The following MRTFB variants were observed in gnomAD, a reference collection of about 807,000 sequenced individuals.
MRTFB encodes myocardin related transcription factor B.
A neutral mutation model predicts 104.2 loss-of-function variants in MRTFB; 29 were observed. The observed-to-expected ratio is 0.28, with a 90% CI of 0.21 to 0.38. MRTFB has a LOEUF of 0.38. Among genes scored for constraint, MRTFB ranks in the 10% least tolerant of loss-of-function variants. The probability of loss-of-function intolerance (pLI) is 1.00; values close to 1 mark genes in which losing one functional copy is unlikely to be tolerated. For synonymous variants in MRTFB, 535 were observed against 519.5 expected, an observed-to-expected ratio of 1.03 and a Z score of -0.41; for missense variants, 1,270 against 1,341.6, an observed-to-expected ratio of 0.95 and a Z score of 0.83.
chr16:14,043,345 C>G, the MRTFB span, among the ~76,000 whole-genome samples: 1 of 152,016 alleles, frequency 6.6e-6, no homozygotes, highest in Non-Finnish European at 1.5e-5. Flanking sequence ...CCCATTTGTT[C>G]CAAATCAGTT....
Position 14,166,828 on chromosome 16 carries a change from A to G in MRTFB, c.154+26068A>G, listed in dbSNP as rs562565992. On this transcript the variant is annotated intron_variant, in intron 3 of 16. Transcript: ENST00000571589. ...TTCCCCCTGCATCCATGTCCCTGCAAAGGACATGATCTTGTTCCTTTTTAT... is the reference window on the plus strand; with the variant it reads ...TTCCCCCTGCATCCATGTCCCTGCAGAGGACATGATCTTGTTCCTTTTTAT... 1.8e-4 allele frequency among the ~76,000 whole-genome samples: 27 copies of G among 152,302 alleles called. No individual in the cohort carries two copies. In the South Asian group the frequency reaches 3.1e-3, roughly 18 times the overall value.
intron 2 of MRTFB, among the ~76,000 whole-genome samples, chr16:14,113,262 T>A (rs1410251230): frequency 6.6e-6 from 1 of 152,216 alleles, no homozygotes; most frequent in Non-Finnish European, 1.5e-5. Flanking sequence ...CAGGCTGGTC[T>A]CAAACTCCTG....
chr16:14,200,605 T>C, intron 3 of MRTFB: 1 of 1,591,778 alleles, frequency 6.3e-7, no homozygotes, highest in Admixed American at 1.7e-5. Context: ...ATATCACAGG[T>C]AGACTAATGG....
In MRTFB at chr16:14,266,019, G is replaced by T. The variant is rs2043936766; in HGVS notation, c.*4575G>T. 1.3e-5 allele frequency: 2 copies of T among 152,198 alleles called. No homozygotes were observed. Among genetic ancestry groups the T allele is most frequent in the African/African-American group, 4.8e-5 (2 of 41,448 alleles). 9.4% of individuals were successfully genotyped at this position (152,198 alleles called of 1,614,324 possible). A position where few individuals can be genotyped will look rare whatever the true frequency, so the allele number is the denominator to read the frequency against. On this transcript the variant is annotated 3_prime_UTR_variant, in exon 17 of 17. Coordinates refer to ENST00000571589, the MANE Select transcript of MRTFB (RefSeq NM_001308142.2). The stretch of plus-strand genomic sequence containing the variant: ...AGGAAGAGGAAGCATTTAGGAAAGG[G>T]TTTAGTATCTACCAAAAGTACTTGA...
intron 3 of MRTFB, among the ~76,000 whole-genome samples, chr16:14,171,363 C>A (rs1397166216): frequency 6.6e-6 from 1 of 152,052 alleles, no homozygotes; most frequent in Non-Finnish European, 1.5e-5. Context: ...GGTGTGGTGG[C>A]GGACACCTGT....
intron 2 of MRTFB, among the ~76,000 whole-genome samples, chr16:14,134,570 G>A (rs2037608639): frequency 6.6e-6 from 1 of 152,210 alleles, no homozygotes; most frequent in African/African-American, 2.4e-5. Context: ...TGCCTCCTTT[G>A]AGAGCAGGGA....
At chr16:14,172,263 C>G (rs1173178271) in intron 3 of MRTFB, among the ~76,000 whole-genome samples, 1 of 152,146 alleles carries the variant, frequency 6.6e-6, no homozygotes, top group African/African-American at 2.4e-5. Flanking sequence ...TTTATTTCCT[C>G]TTCTTTCTCA....
At chr16:14,015,979 T>G in the MRTFB span, 42 of 398,518 alleles carry the variant, frequency 1.1e-4, no homozygotes, top group Middle Eastern at 2.5e-3. Flanking sequence ...TTCACAATCC[T>G]TCATGTTTAA....
chr16:14,146,829 A>G (rs570162963), intron 3 of MRTFB, among the ~76,000 whole-genome samples: 2 of 152,348 alleles, frequency 1.3e-5, no homozygotes, highest in African/African-American at 2.4e-5. Flanking sequence ...TCTTGAGGCC[A>G]TAGGTGAGCT....
At chr16:14,121,864 C>G (rs1567347940) in intron 2 of MRTFB, among the ~76,000 whole-genome samples, 1 of 152,082 alleles carries the variant, frequency 6.6e-6, no homozygotes, top group Non-Finnish European at 1.5e-5. Flanking sequence ...GTGACAGGTG[C>G]AATTGTAGAA....
chr16:14,029,907 C>G, the MRTFB span, among the ~76,000 whole-genome samples: 82 of 152,084 alleles, frequency 5.4e-4, no homozygotes, highest in African/African-American at 1.7e-3. Context: ...GAACTGGGCC[C>G]CAGCGTTCCA....
At chr16:14,081,661 C>T (rs1596726824) in intron 2 of MRTFB, among the ~76,000 whole-genome samples, 1 of 152,094 alleles carries the variant, frequency 6.6e-6, no homozygotes, top group Non-Finnish European at 1.5e-5. Flanking sequence ...CTCACTGCAG[C>T]CTTGACCTTC....
Position 14,263,248 on chromosome 16 carries a change from ACT to A in MRTFB, c.*1809_*1810del, listed in dbSNP as rs370719710. On this transcript the variant is annotated 3_prime_UTR_variant, in exon 17 of 17. Coordinates refer to ENST00000571589, the MANE Select transcript of MRTFB (RefSeq NM_001308142.2). ...GTAAACCAACACACGGGATACAATA[ACT>A]CTCTGTTAACCAGAACACCGTCATT... The A allele has an allele frequency of 6.1e-4, 93 of 152,240 alleles. No individual in the cohort carries two copies. Among genetic ancestry groups the A allele is most frequent in the African/African-American group, 2.1e-3 (88 of 41,514 alleles). The allele number at this position is 152,240 out of a possible 1,614,324, so 9.4% of individuals were successfully genotyped here.
intron 3 of MRTFB, among the ~76,000 whole-genome samples, chr16:14,166,873 G>C (rs1303289520): frequency 6.6e-6 from 1 of 152,130 alleles, no homozygotes; most frequent in Non-Finnish European, 1.5e-5. Context: ...GTATTCCATG[G>C]TGTGTATGTA....
At chr16:14,228,508 G>A (rs2042109702) in intron 8 of MRTFB, among the ~76,000 whole-genome samples, 1 of 151,954 alleles carries the variant, frequency 6.6e-6, no homozygotes, top group Admixed American at 6.6e-5. Flanking sequence ...CCCAGGAGGT[G>A]GAGGTTGCAG....
chr16:14,213,192 GATTTTTACT>G (rs542246069), intron 5 of MRTFB, among the ~76,000 whole-genome samples: 23 of 152,102 alleles, frequency 1.5e-4, no homozygotes, highest in Non-Finnish European at 2.8e-4. Context: ...TATCTAGGTG[GATTTTTACT>G]GGACCTGAAG....
intron 2 of MRTFB, among the ~76,000 whole-genome samples, chr16:14,140,281 G>A (rs372290017): frequency 6.6e-6 from 1 of 152,194 alleles, no homozygotes; most frequent in Admixed American, 6.5e-5. Context: ...TGCCACCAAT[G>A]GCTATGACTT....
At chr16:14,017,770 G>A in the MRTFB span, among the ~76,000 whole-genome samples, 2 of 131,598 alleles carry the variant, frequency 1.5e-5, no homozygotes, top group African/African-American at 5.8e-5. Context: ...GGGCTAGAGT[G>A]CACTGTGTGA....
At chr16:14,045,484 A>G in the MRTFB span, among the ~76,000 whole-genome samples, 1 of 152,218 alleles carries the variant, frequency 6.6e-6, no homozygotes, top group East Asian at 1.9e-4. Context: ...AGATTAGAGA[A>G]CATATATCAG....
Sources: allele counts gnomAD v4.1 joint callset (sites outside exome capture counted in the v4.1 genomes callset), GRCh38; gene constraint gnomAD v4.1.1; transcripts MANE v1.5; gene names NCBI Gene and HGNC (gene_info 2026-07-23, HGNC 2026-07-21).